Variants in EXT2 observed in about 807,000 individuals in gnomAD.
EXT2 encodes the protein exostosin-2.
A neutral mutation model predicts 81.6 loss-of-function variants in EXT2; 53 were observed. That is an observed-to-expected ratio of 0.65 (90% CI 0.52 to 0.82). The LOEUF (loss-of-function observed/expected upper bound fraction) is 0.82, where lower values mean the gene tolerates loss of function less well. Among genes scored for constraint, EXT2 ranks in the 40% least tolerant of loss-of-function variants. The pLI is 0.00. For missense variants in EXT2, 774 were observed against 910.2 expected (o/e 0.85, Z 1.93); for synonymous variants, 320 against 340.0 (o/e 0.94, Z 0.65).
chr11:44,184,978 T>A (rs761049082), intron 8 of EXT2, among the ~76,000 whole-genome samples: 4 of 152,170 alleles, frequency 2.6e-5, no homozygotes, highest in Admixed American at 2.6e-4. Context: ...AAACATAAAT[T>A]GAAAGAAAAA....
chr11:44,244,069 C>T (rs938980630), intron 13 of EXT2, 80 bp from the exon 14 acceptor site: 3 of 1,295,532 alleles, frequency 2.3e-6, no homozygotes, highest in Non-Finnish European at 3.4e-6. Flanking sequence ...ACCTCTTGAA[C>T]ATACTATCTT....
chr11:44,099,530 C>T (rs992661949), intron 1 of EXT2, among the ~76,000 whole-genome samples: 1 of 151,930 alleles, frequency 6.6e-6, no homozygotes, highest in Non-Finnish European at 1.5e-5. Flanking sequence ...CTATGTTGCC[C>T]AGGCTGGTCT....
chr11:44,209,817 A>C (rs1955626327), intron 10 of EXT2, among the ~76,000 whole-genome samples: 1 of 152,192 alleles, frequency 6.6e-6, no homozygotes, highest in Non-Finnish European at 1.5e-5. Context: ...TGAGCAAATA[A>C]TTGTGAACTG....
rs553727537 is a variant in EXT2 at position 44,127,540 on chromosome 11, C to T, written c.1079+585C>T. Among the ~76,000 whole-genome samples the T allele has an allele frequency of 2.0e-5, 3 of 152,330 alleles. No individual in the cohort carries two copies. In the South Asian group the frequency reaches 6.2e-4, roughly 32 times the overall value. On this transcript the variant is annotated intron_variant, in intron 6 of 13. Coordinates refer to ENST00000533608, the MANE Select transcript of EXT2 (RefSeq NM_207122.2). ...ATCTGAGGTGGAACAGTTTCATCCC[C>T]AAACGATTCCCTGCCAAACCCAGTC... is the stretch of plus-strand genomic sequence containing the variant.
At chr11:44,131,982 C>T (rs1224671469) in intron 7 of EXT2, among the ~76,000 whole-genome samples, 5 of 152,184 alleles carry the variant, frequency 3.3e-5, no homozygotes, top group Non-Finnish European at 5.9e-5. Flanking sequence ...GTGATCCGCC[C>T]GCCTCGGCTT....
chr11:44,233,513 C>A (rs1180062044), intron 11 of EXT2, among the ~76,000 whole-genome samples: 2 of 152,052 alleles, frequency 1.3e-5, no homozygotes, highest in Non-Finnish European at 2.9e-5. Context: ...TTAGAATATT[C>A]AGTTCAATAG....
intron 3 of EXT2, among the ~76,000 whole-genome samples, chr11:44,112,908 C>T (rs531629326): frequency 2.6e-5 from 4 of 152,200 alleles, no homozygotes; most frequent in Non-Finnish European, 4.4e-5. Flanking sequence ...CTTACCTGGA[C>T]TGCCTGGTGC....
intron 10 of EXT2, among the ~76,000 whole-genome samples, chr11:44,207,877 G>A (rs758899253): frequency 7.2e-5 from 11 of 151,754 alleles, no homozygotes; most frequent in Middle Eastern, 3.4e-3. Flanking sequence ...CGACACTATC[G>A]CCACCACTAA....
At chr11:44,217,667 G>A (rs1955736392) in intron 10 of EXT2, among the ~76,000 whole-genome samples, 2 of 152,034 alleles carry the variant, frequency 1.3e-5, no homozygotes, top group African/African-American at 4.8e-5. Context: ...AGTGTATAGT[G>A]TTACTTGAAT....
chr11:44,149,144 T>C (rs1954759198), intron 7 of EXT2, among the ~76,000 whole-genome samples: 1 of 152,126 alleles, frequency 6.6e-6, no homozygotes, highest in African/African-American at 2.4e-5. Flanking sequence ...ACAGGATCAC[T>C]TGGGCCCAGG....
At chr11:44,197,411 T>A (rs534115202) in intron 8 of EXT2, among the ~76,000 whole-genome samples, 1 of 152,282 alleles carries the variant, frequency 6.6e-6, no homozygotes, top group African/African-American at 2.4e-5. Context: ...ACTCCTCCTC[T>A]GCTACCCCTT....
chr11:44,212,620 A>G (rs544980520), intron 10 of EXT2, among the ~76,000 whole-genome samples: 70 of 152,286 alleles, frequency 4.6e-4, no homozygotes, highest in African/African-American at 1.7e-3. Flanking sequence ...CAGCTTCCAA[A>G]AGAAATATAT....
intron 4 of EXT2, among the ~76,000 whole-genome samples, chr11:44,118,036 T>C (rs1954247804): frequency 6.6e-6 from 1 of 152,254 alleles, no homozygotes; most frequent in African/African-American, 2.4e-5. Flanking sequence ...ATTTTTGTTA[T>C]AAGTAAATAT....
chr11:44,222,239 G>A (rs918495859), intron 10 of EXT2, among the ~76,000 whole-genome samples: 4 of 152,152 alleles, frequency 2.6e-5, no homozygotes, highest in Non-Finnish European at 5.9e-5. Context: ...TCTGTGCTTG[G>A]AGAGGGAAGG....
intron 7 of EXT2, among the ~76,000 whole-genome samples, chr11:44,150,835 G>A (rs2135081738): frequency 6.6e-6 from 1 of 152,244 alleles, no homozygotes; most frequent in South Asian, 2.1e-4. Context: ...TTTATGGGCT[G>A]GTTTCTTGAG....
chr11:44,139,661 G>A (rs756767116), intron 7 of EXT2, among the ~76,000 whole-genome samples: 176 of 152,206 alleles, frequency 1.2e-3, no homozygotes, highest in Non-Finnish European at 1.5e-3. Flanking sequence ...AAGGGGAGAC[G>A]AGCTTCATCT....
At chr11:44,147,466 A>G (rs532548709) in intron 7 of EXT2, among the ~76,000 whole-genome samples, 85 of 152,350 alleles carry the variant, frequency 5.6e-4, no homozygotes, top group African/African-American at 2.0e-3. Context: ...TCACTAGTAA[A>G]GCAGAGTTTA....
intron 7 of EXT2, among the ~76,000 whole-genome samples, chr11:44,166,681 C>T (rs1954998633): frequency 6.6e-6 from 1 of 152,188 alleles, no homozygotes; most frequent in South Asian, 2.1e-4. Context: ...CTTTTTCCTT[C>T]ACCCTTTTGG....
rs762658092 is a variant in EXT2, at chr11:44,126,967, C to G, written c.1079+12C>G. On this transcript the variant is annotated intron_variant, in intron 6 of 13. Transcript: ENST00000533608. Reference sequence around the variant, plus strand: ...CTTGACTGGAAGAGGTGGGTAGTACCTCCTAGTAAACTCTACATTAGTGGT... The same window carrying G: ...CTTGACTGGAAGAGGTGGGTAGTACGTCCTAGTAAACTCTACATTAGTGGT... 1.9e-6 allele frequency: 3 copies of G among 1,613,984 alleles called. No homozygotes were observed. Among genetic ancestry groups the G allele is most frequent in the South Asian group, 2.2e-5 (2 of 91,066 alleles).
Sources: allele counts gnomAD v4.1 joint callset (sites outside exome capture counted in the v4.1 genomes callset), GRCh38; gene constraint gnomAD v4.1.1; transcripts MANE v1.5; gene names NCBI Gene and HGNC (gene_info 2026-07-23, HGNC 2026-07-21).